Variants in GAREM1 observed in about 807,000 individuals in gnomAD.
The protein encoded by GAREM1 is GRB2 associated regulator of MAPK1 subtype 1.
A neutral mutation model predicts 71.3 loss-of-function variants in GAREM1; 26 were observed. The observed-to-expected ratio is 0.36, with a 90% CI of 0.27 to 0.51. The LOEUF (loss-of-function observed/expected upper bound fraction) is 0.51, where lower values mean the gene tolerates loss of function less well. Among genes scored for constraint, GAREM1 ranks in the 20% least tolerant of loss-of-function variants. The probability of loss-of-function intolerance (pLI) is 0.95; values close to 1 mark genes in which losing one functional copy is unlikely to be tolerated. For synonymous variants in GAREM1, 440 were observed against 433.2 expected (o/e 1.02, Z -0.20); for missense variants, 1,026 against 1,103.1 (o/e 0.93, Z 0.99).
chr18:32,400,989 C>T (rs181516691), intron 1 of GAREM1, among the ~76,000 whole-genome samples: 1 of 152,220 alleles, frequency 6.6e-6, no homozygotes, highest in African/African-American at 2.4e-5. Context: ...GAATACTATG[C>T]AGCCAGAAAA....
intron 2 of GAREM1, among the ~76,000 whole-genome samples, chr18:32,339,650 A>G (rs2047630611): frequency 6.6e-6 from 1 of 152,232 alleles, no homozygotes; most frequent in African/African-American, 2.4e-5. Flanking sequence ...TCCACTGGAC[A>G]ATTCCTCTAC....
intron 4 of GAREM1, among the ~76,000 whole-genome samples, chr18:32,280,507 T>A (rs935336575): frequency 6.6e-6 from 1 of 152,218 alleles, no homozygotes; most frequent in South Asian, 2.1e-4. Context: ...TAGAGCCTCA[T>A]GTGGCTTTTT....
intron 4 of GAREM1, among the ~76,000 whole-genome samples, chr18:32,282,841 T>A (rs1019282116): frequency 1.3e-5 from 2 of 152,222 alleles, no homozygotes; most frequent in African/African-American, 4.8e-5. Context: ...TGGCATTTTC[T>A]AAAGAGGGGG....
In GAREM1 at chr18:32,459,421, T is replaced by C. The variant is rs543618345; in HGVS notation, c.121+10887A>G. ...GCTGTGAAGATTCCCTTTGATCCTA[T>C]GTCTCTTAGTGGCTGACTTCCTCTT... On this transcript the variant is annotated intron_variant, in intron 1 of 5. Coordinates refer to ENST00000269209, the MANE Select transcript of GAREM1 (RefSeq NM_001242409.2). Among the ~76,000 whole-genome samples, 13 of 152,144 alleles carry C rather than the reference T, an allele frequency of 8.5e-5. No homozygotes were observed. The South Asian group carries it at 2.5e-3, about 29-fold the overall frequency.
At chr18:32,446,167 C>T (rs980921261) in intron 1 of GAREM1, among the ~76,000 whole-genome samples, 16 of 151,988 alleles carry the variant, frequency 1.1e-4, no homozygotes, top group African/African-American at 3.6e-4. Flanking sequence ...ATTACTAGTA[C>T]ACAATAAATG....
intron 2 of GAREM1, among the ~76,000 whole-genome samples, chr18:32,321,323 T>C (rs1192351000): frequency 6.6e-6 from 1 of 152,198 alleles, no homozygotes; most frequent in Non-Finnish European, 1.5e-5. Context: ...TCCTTTGCCT[T>C]TGCTCATGCT....
At chr18:32,349,500 C>G (rs939882016) in intron 2 of GAREM1, among the ~76,000 whole-genome samples, 3 of 152,158 alleles carry the variant, frequency 2.0e-5, no homozygotes, top group Admixed American at 2.0e-4. Flanking sequence ...CAGAATTCAT[C>G]TGATAAGTTC....
At chr18:32,466,442 A>G (rs904342133) in intron 1 of GAREM1, among the ~76,000 whole-genome samples, 4 of 152,234 alleles carry the variant, frequency 2.6e-5, no homozygotes, top group Non-Finnish European at 5.9e-5. Context: ...AATAGTTACA[A>G]TATGCTGAGA....
At chr18:32,449,678 T>G (rs1003291387) in intron 1 of GAREM1, among the ~76,000 whole-genome samples, 2 of 152,088 alleles carry the variant, frequency 1.3e-5, no homozygotes, top group African/African-American at 4.8e-5. Context: ...AACAAAGGGT[T>G]GGGGGGCAGG....
rs1026221581 is a variant in GAREM1, at chr18:32,470,808, C to T, written c.-380G>A. On this transcript the variant is annotated 5_prime_UTR_variant, in exon 1 of 6. Coordinates refer to ENST00000269209, the MANE Select transcript of GAREM1 (RefSeq NM_001242409.2). The surrounding 1 kb of genome is among the most constrained non-coding windows in gnomAD (Gnocchi z 4.4). The stretch of plus-strand genomic sequence containing the variant: ...TCGCCTCCTCCTCCTCTTACCCCTC[C>T]TTCCCTCCGCCTCGAGCGTGTGAGG... Among the ~76,000 whole-genome samples the T allele has an allele frequency of 5.3e-5, 8 of 150,444 alleles. No individual in the cohort carries two copies. Among genetic ancestry groups the T allele is most frequent in the African/African-American group, 1.9e-4 (8 of 41,280 alleles).
intron 2 of GAREM1, among the ~76,000 whole-genome samples, chr18:32,324,732 G>A (rs1050982143): frequency 6.6e-6 from 1 of 152,184 alleles, no homozygotes; most frequent in African/African-American, 2.4e-5. Flanking sequence ...GTCAAGGTTA[G>A]AGACACATTT....
At chr18:32,411,601 T>A (rs2048418101) in intron 1 of GAREM1, among the ~76,000 whole-genome samples, 1 of 152,146 alleles carries the variant, frequency 6.6e-6, no homozygotes, top group Non-Finnish European at 1.5e-5. Flanking sequence ...CATTATTCAA[T>A]TTAGATATAT....
At chr18:32,400,020 A>G (rs909238987) in intron 1 of GAREM1, among the ~76,000 whole-genome samples, 2 of 152,196 alleles carry the variant, frequency 1.3e-5, no homozygotes, top group Non-Finnish European at 2.9e-5. Flanking sequence ...ATAATACCAC[A>G]CATCTATAAC....
chr18:32,318,093 T>C (rs2047397314), intron 2 of GAREM1, among the ~76,000 whole-genome samples: 2 of 152,198 alleles, frequency 1.3e-5, no homozygotes, highest in African/African-American at 4.8e-5. Context: ...AATGTCTCCA[T>C]TGTAAGAGCT....
chr18:32,275,325 C>T (rs2041525214), intron 4 of GAREM1, among the ~76,000 whole-genome samples: 1 of 152,200 alleles, frequency 6.6e-6, no homozygotes, highest in East Asian at 1.9e-4. Context: ...ATGTTTATGA[C>T]TGGACTTCCA....
rs555314672 is a variant in GAREM1, at chr18:32,304,253, G to C, written c.393+5940C>G. On this transcript the variant is annotated intron_variant, in intron 3 of 5. Transcript: ENST00000269209. ...ACCTGGGAGATGGGGGTTGCAGTGA[G>C]CTGAGATCACACCATTGCACTCCAG... is the stretch of plus-strand genomic sequence containing the variant. Among the ~76,000 whole-genome samples, 19 of 152,054 alleles carry C rather than the reference G, an allele frequency of 1.2e-4. No individual in the cohort carries two copies. In the South Asian group the frequency reaches 3.9e-3, roughly 32 times the overall value.
At chr18:32,279,591 A>C (rs7243614) in intron 4 of GAREM1, among the ~76,000 whole-genome samples, 2,682 of 152,266 alleles carry the variant, frequency 0.018, 87 homozygotes, top group African/African-American at 0.06. Flanking sequence ...CAGGGCTCCC[A>C]CTGATTCTAC....
intron 4 of GAREM1, among the ~76,000 whole-genome samples, chr18:32,285,049 C>T (rs567560045): frequency 4.6e-5 from 7 of 151,484 alleles, no homozygotes; most frequent in East Asian, 2.0e-4. Context: ...GCGCCTGGCC[C>T]GCCCCCTTAC....
At chr18:32,270,940 C>T (rs2041453605) in intron 4 of GAREM1, among the ~76,000 whole-genome samples, 2 of 119,914 alleles carry the variant, frequency 1.7e-5, no homozygotes, top group South Asian at 5.7e-4. Flanking sequence ...CTCACTCTGT[C>T]GCGCAGGTTG....
Sources: gnomAD v4.1 joint callset for allele counts (sites outside exome capture counted in the v4.1 genomes callset) on GRCh38, gnomAD v4.1.1 for gene constraint, Gnocchi (gnomAD v3.1) non-coding constraint, MANE v1.5 for transcripts, NCBI Gene and HGNC (gene_info 2026-07-23, HGNC 2026-07-21) for gene names.